The following LRP5 variants were observed in gnomAD, a reference collection of about 807,000 sequenced individuals.
The protein encoded by LRP5 is LDL receptor related protein 5.
Under a neutral mutation model 154.1 loss-of-function variants are expected in LRP5, and 62 were observed. That is an observed-to-expected ratio of 0.40 (90% confidence interval 0.33 to 0.50). The LOEUF is 0.50. Among genes scored for constraint, LRP5 ranks in the 20% least tolerant of loss-of-function variants. The pLI, the probability that LRP5 is intolerant of heterozygous loss-of-function variation, is 0.55. For synonymous variants in LRP5, 966 were observed against 1,011.5 expected, an observed-to-expected ratio of 0.96 and a Z score of 0.85; for missense variants, 1,915 against 2,336.7, an observed-to-expected ratio of 0.82 and a Z score of 3.72.
chr11:68,434,812 A>G (rs939421981), intron 18 of LRP5, among the ~76,000 whole-genome samples: 1 of 152,166 alleles, frequency 6.6e-6, no homozygotes, highest in Non-Finnish European at 1.5e-5. Flanking sequence ...TAGATAATTC[A>G]CATGCAGTCT....
chr11:68,341,642 C>T (rs946702547), intron 1 of LRP5, among the ~76,000 whole-genome samples: 5 of 152,114 alleles, frequency 3.3e-5, no homozygotes, highest in East Asian at 1.9e-4. Flanking sequence ...GACCAGCACC[C>T]GCCATGCTAC....
chr11:68,439,807 C>G lies in LRP5; in HGVS notation c.4379C>G (p.Ser1460Cys). ...GIACGKSMMSSVSLMGGRGGV... is the reference protein window; with the variant it reads ...GIACGKSMMSCVSLMGGRGGV... ...GCATGCGGAAAGTCCATGATGAGCT[C>G]CGTGAGCCTGATGGGGGGCCGGGGC... The change falls in exon 21 of 23, where the codon TCC becomes TGC. Residue 1460 changes from serine (S) to cysteine (C), a missense_variant. Ser to Cys is a moderately radical substitution (Grantham distance 112). Transcript: ENST00000294304. 4 of 1,611,892 alleles carry G rather than the reference C, an allele frequency of 2.5e-6. No individual in the cohort carries two copies. Among genetic ancestry groups the G allele is most frequent in the Non-Finnish European group, 3.4e-6 (4 of 1,179,684 alleles).
intron 4 of LRP5, among the ~76,000 whole-genome samples, 159 bp from the exon 5 acceptor site, chr11:68,365,411 TG>T (rs1160209861): frequency 2.0e-5 from 3 of 151,772 alleles, no homozygotes; most frequent in Non-Finnish European, 4.4e-5. Context: ...GCAGGTGGAA[TG>T]GTGCCAGCGG....
At chr11:68,408,999 G>A (rs2098657312) in intron 9 of LRP5, among the ~76,000 whole-genome samples, 1 of 143,928 alleles carries the variant, frequency 6.9e-6, no homozygotes, top group Non-Finnish European at 1.5e-5. Context: ...GCAGTGACCT[G>A]AGATTACTCC....
rs539231195 is a variant in LRP5, at chr11:68,378,493, G to A, written c.1016-7823G>A. On this transcript the variant is annotated intron_variant, in intron 5 of 22. Coordinates refer to ENST00000294304, the MANE Select transcript of LRP5 (RefSeq NM_002335.4). Reference sequence around the variant, plus strand: ...TCGTTCCCCCACGTTGCCCCAGGAAGAGGACCCTGTCCCCGGCATCCTGAC... The same window carrying A: ...TCGTTCCCCCACGTTGCCCCAGGAAAAGGACCCTGTCCCCGGCATCCTGAC... Among the ~76,000 whole-genome samples, 4 of 121,488 alleles carry A rather than the reference G, an allele frequency of 3.3e-5. No homozygotes were observed. The South Asian group carries it at 1.3e-3, about 39-fold the overall frequency. The allele number at this position is 121,488 out of a possible 152,430, so 79.7% of individuals were successfully genotyped here. A position where few individuals can be genotyped will look rare whatever the true frequency, so the allele number is the denominator to read the frequency against.
intron 7 of LRP5, 56 bp from the exon 8 acceptor site, chr11:68,403,427 G>T: frequency 6.6e-7 from 1 of 1,525,980 alleles, no homozygotes; most frequent in South Asian, 1.1e-5. Context: ...GGTCCGGGTT[G>T]GCTCTCGTTG....
chr11:68,338,867 GTTTTTTTT>G (rs11382677), intron 1 of LRP5, among the ~76,000 whole-genome samples: 2 of 91,940 alleles, frequency 2.2e-5, no homozygotes, highest in African/African-American at 9.3e-5. Flanking sequence ...CTTTTGTTTA[GTTTTTTTT>G]TTTTTTTTTT....
At chr11:68,329,888 T>C (rs1246390679) in intron 1 of LRP5, among the ~76,000 whole-genome samples, 1 of 152,240 alleles carries the variant, frequency 6.6e-6, no homozygotes, top group African/African-American at 2.4e-5. Context: ...AGATGGTATG[T>C]AATCAGAATG....
At chr11:68,393,348 G>A (rs1238908816) in intron 7 of LRP5, among the ~76,000 whole-genome samples, 1 of 152,194 alleles carries the variant, frequency 6.6e-6, no homozygotes, top group Non-Finnish European at 1.5e-5. Flanking sequence ...TAGGATTGCT[G>A]AGTCCTATGG....
intron 17 of LRP5, 24 bp downstream of exon 17, chr11:68,429,724 T>C (rs1364557906): frequency 6.2e-7 from 1 of 1,613,840 alleles, no homozygotes; most frequent in South Asian, 1.1e-5. Flanking sequence ...AGGTGCTCCT[T>C]TGGGGTGATG....
intron 5 of LRP5, among the ~76,000 whole-genome samples, chr11:68,376,971 G>A (rs1391464795): frequency 6.6e-6 from 1 of 152,220 alleles, no homozygotes; most frequent in Non-Finnish European, 1.5e-5. Flanking sequence ...CCCCAGCAAG[G>A]GGGTGTGAGT....
intron 21 of LRP5, among the ~76,000 whole-genome samples, 182 bp from the exon 22 acceptor site, chr11:68,446,254 G>A (rs1158795124): frequency 1.3e-5 from 2 of 152,200 alleles, no homozygotes; most frequent in Non-Finnish European, 2.9e-5. Context: ...GATGACCTTC[G>A]GGGCAGGTGG....
At chr11:68,435,463 A>G (rs1214384058) in intron 18 of LRP5, among the ~76,000 whole-genome samples, 1 of 147,682 alleles carries the variant, frequency 6.8e-6, no homozygotes, top group Non-Finnish European at 1.5e-5. Context: ...GGTGCATCAC[A>G]TGGTGAGAGA....
chr11:68,364,978 G>T (rs1209990407), intron 4 of LRP5, among the ~76,000 whole-genome samples: 1 of 152,208 alleles, frequency 6.6e-6, no homozygotes, highest in African/African-American at 2.4e-5. Context: ...ATCGAGTTCC[G>T]TTCAATTGCT....
At chr11:68,417,622 G>A (rs577560086) in intron 13 of LRP5, among the ~76,000 whole-genome samples, 9 of 151,488 alleles carry the variant, frequency 5.9e-5, no homozygotes, top group East Asian at 2.0e-4. Context: ...CACCGCGGCC[G>A]GCCAGATTTG....
At chr11:68,299,961 G>C in the LRP5 span, among the ~76,000 whole-genome samples, 1 of 145,968 alleles carries the variant, frequency 6.9e-6, no homozygotes, top group Non-Finnish European at 1.5e-5. Context: ...GGAGTGGCGC[G>C]ATCTTGGCTC....
chr11:68,438,722 G>A, intron 20 of LRP5, 40 bp downstream of exon 20: 1 of 1,586,792 alleles, frequency 6.3e-7, no homozygotes. Context: ...GAGGAGGCAG[G>A]AGAGTAGTCT....
Position 68,409,137 on chromosome 11 carries a change from AT to A in LRP5, c.2092-774del, listed in dbSNP as rs1227676683. Among the ~76,000 whole-genome samples, 3 of 135,232 alleles carry A rather than the reference AT, an allele frequency of 2.2e-5. No homozygotes were observed. The East Asian group carries it at 5.9e-4, about 27-fold the overall frequency. The allele number at this position is 135,232 out of a possible 152,430, so 88.7% of individuals were successfully genotyped here. ...ACACACACATAATATAAAAATATAT[AT>A]TTATAAATATATAATATATAATATA... On this transcript the variant is annotated intron_variant, in intron 9 of 22. Coordinates refer to ENST00000294304, the MANE Select transcript of LRP5 (RefSeq NM_002335.4).
At chr11:68,365,464 G>T (rs937853774) in intron 4 of LRP5, 107 bp from the exon 5 acceptor site, 9 of 1,532,504 alleles carry the variant, frequency 5.9e-6, no homozygotes, top group Non-Finnish European at 8.1e-6. Context: ...TTGGGCAGAG[G>T]GACACACTGG....
Sources: allele counts gnomAD v4.1 joint callset (sites outside exome capture counted in the v4.1 genomes callset), GRCh38; gene constraint gnomAD v4.1.1; transcripts MANE v1.5; gene names NCBI Gene and HGNC (gene_info 2026-07-23, HGNC 2026-07-21).